SLC9A8: variants seen among roughly 807,000 people sequenced by gnomAD.
The protein encoded by SLC9A8 is solute carrier family 9 member A8, also known as sodium/hydrogen exchanger 8.
In SLC9A8, 48 loss-of-function variants were observed where a neutral mutation model predicts 66.6. The ratio of observed to expected loss-of-function variants is 0.72; its 90% CI spans 0.57 to 0.92. SLC9A8 has a LOEUF of 0.92. SLC9A8 is among the 40% of genes least tolerant of loss of function. SLC9A8 has a pLI of 0.00. For synonymous variants in SLC9A8, 274 were observed against 282.6 expected (o/e 0.97, Z 0.31); for missense variants, 599 against 747.3 (o/e 0.80, Z 2.31).
chr20:49,847,382 CTTTTT>C (rs11334417), intron 5 of SLC9A8, among the ~76,000 whole-genome samples: 3 of 113,916 alleles, frequency 2.6e-5, no homozygotes, highest in South Asian at 5.9e-4. Flanking sequence ...TTTTTCTTTT[CTTTTT>C]TTTTTTTTTT....
chr20:49,842,347 C>T (rs11699561), intron 4 of SLC9A8, among the ~76,000 whole-genome samples: 42,591 of 152,058 alleles, frequency 0.28, 6,330 homozygotes, highest in Non-Finnish European at 0.34. Flanking sequence ...GGATTACAGG[C>T]ATGAGCCACC....
chr20:49,845,812 C>T (rs1250479024), intron 5 of SLC9A8, among the ~76,000 whole-genome samples: 10 of 152,112 alleles, frequency 6.6e-5, no homozygotes, highest in African/African-American at 2.4e-4. Context: ...TGCCTTGCAA[C>T]TCCCAGTGTG....
intron 11 of SLC9A8, among the ~76,000 whole-genome samples, chr20:49,877,064 C>T (rs972877371): frequency 4.7e-5 from 7 of 148,048 alleles, no homozygotes; most frequent in Admixed American, 3.4e-4. Context: ...CCAAGGTGTG[C>T]GGATCACAAG....
chr20:49,829,580 A>G lies in SLC9A8; in HGVS notation c.289+6439A>G, dbSNP rs534623982. 1.7e-5 allele frequency: 6 copies of G among 348,934 alleles called. No individual in the cohort carries two copies. The East Asian group carries it at 4.5e-4, about 26-fold the overall frequency. The allele number at this position is 348,934 out of a possible 1,614,324, so 21.6% of individuals were successfully genotyped here. On this transcript the variant is annotated intron_variant, in intron 3 of 15. Coordinates refer to ENST00000361573, the MANE Select transcript of SLC9A8 (RefSeq NM_015266.3). ...CTTCTTTGTGAAATTTTTTTGGAAC[A>G]TAAGATCATGCCTGGATTAAAGTGA...
At chr20:49,815,253 T>C in intron 2 of SLC9A8, 64 bp downstream of exon 2, 1 of 1,362,112 alleles carries the variant, frequency 7.3e-7, no homozygotes, top group South Asian at 1.6e-5. Context: ...GGTCTGTGTG[T>C]TTAACCCTGT....
chr20:49,884,199 G>GCC (rs2089737319), intron 14 of SLC9A8, 133 bp downstream of exon 14: 1 of 280,270 alleles, frequency 3.6e-6, no homozygotes, highest in African/African-American at 6.1e-5. Context: ...CCACACACAC[G>GCC]ACACACACAC....
chr20:49,886,778 GT>G lies in SLC9A8; in HGVS notation c.1519del (p.Ser507ArgfsTer29), dbSNP rs1373264904. ...MGNTVESEHL[S>X]ELTEEEYEAH... ...GCAACACTGTGGAGTCGGAGCACCT[GT>G]CGGAGCTCACGGAGGAGGAGTACGA... On this transcript the variant is annotated frameshift_variant, in exon 15 of 16. Transcript: ENST00000361573. LOFTEE classifies it high-confidence loss of function. The surrounding 1 kb of genome is among the most constrained non-coding windows in gnomAD (Gnocchi z 4.8). The G allele has an allele frequency of 1.9e-6, 3 of 1,614,006 alleles. No individual in the cohort carries two copies. Among genetic ancestry groups the G allele is most frequent in the Non-Finnish European group, 2.5e-6 (3 of 1,180,008 alleles).
chr20:49,860,592 G>A (rs996203727), intron 8 of SLC9A8, among the ~76,000 whole-genome samples: 27 of 151,964 alleles, frequency 1.8e-4, no homozygotes, highest in Non-Finnish European at 3.4e-4. Flanking sequence ...ACGGTGGTGC[G>A]CATCTGTAGT....
At chr20:49,830,358 C>T (rs55825017) in intron 3 of SLC9A8, 211,804 of 877,142 alleles carry the variant, frequency 0.24, 27,720 homozygotes, top group Middle Eastern at 0.29. Flanking sequence ...GGAGGGGGCC[C>T]GCCTGGGAAG....
chr20:49,832,367 T>G (rs2087241221), intron 3 of SLC9A8, among the ~76,000 whole-genome samples: 1 of 152,166 alleles, frequency 6.6e-6, no homozygotes, highest in African/African-American at 2.4e-5. Context: ...CTGAACTGAC[T>G]GACCCTCTGG....
intron 3 of SLC9A8, among the ~76,000 whole-genome samples, chr20:49,834,390 ATATATATATACTGTG>A (rs1568813652): frequency 2.6e-4 from 19 of 71,744 alleles, no homozygotes; most frequent in African/African-American, 1.3e-3. Context: ...TATACTGTGT[ATATATATATACTGTG>A]TATATATATA....
chr20:49,884,828 C>T (rs2089831423), intron 14 of SLC9A8, among the ~76,000 whole-genome samples: 1 of 152,214 alleles, frequency 6.6e-6, no homozygotes, highest in Admixed American at 6.5e-5. Context: ...CTGTCTTCAC[C>T]CTCAGGACCC....
intron 3 of SLC9A8, among the ~76,000 whole-genome samples, chr20:49,828,190 C>G (rs2086998449): frequency 6.7e-6 from 1 of 150,330 alleles, no homozygotes; most frequent in Non-Finnish European, 1.5e-5. Flanking sequence ...AAGTGATTCT[C>G]CTGCCTCAGC....
In SLC9A8 at chr20:49,881,355, G is replaced by C. The variant is rs534970517; in HGVS notation, c.1270+320G>C. Among the ~76,000 whole-genome samples the C allele has an allele frequency of 1.0e-3, 156 of 152,292 alleles. 1 individual carries two copies. The highest frequency in any genetic ancestry group is 2.2e-4 in the Non-Finnish European group (15 of 68,020). ...GGGCGTGCTTCAGCGCCTCCCTGGG[G>C]GTCTTCTAGGCTGAAGTAATAATGG... is the stretch of plus-strand genomic sequence containing the variant. On this transcript the variant is annotated intron_variant, in intron 13 of 15. Transcript: ENST00000361573.
At chr20:49,830,069 G>T in intron 3 of SLC9A8, 1 of 720,632 alleles carries the variant, frequency 1.4e-6, no homozygotes, top group Non-Finnish European at 2.6e-6. Flanking sequence ...TGTTAAAGAT[G>T]CAGATCCTCA....
chr20:49,869,534 T>C (rs1600774222), intron 10 of SLC9A8, among the ~76,000 whole-genome samples: 1 of 149,098 alleles, frequency 6.7e-6, no homozygotes. Flanking sequence ...CATAACACTT[T>C]CTTAAGATGT....
At position 49,886,759 on chromosome 20, in the gene SLC9A8, CTG is replaced by C. The variant is rs1167429953; in HGVS notation, c.1502_1503del (p.Val501GlyfsTer24). On this transcript the variant is annotated frameshift_variant, in exon 15 of 16. Transcript: ENST00000361573. LOFTEE classifies it high-confidence loss of function. This position sits in a 1 kb window ranked among gnomAD's most constrained non-coding sequence, Gnocchi z 4.8. ...CCTTTCCTCCCTGCTCAGGGCAACA[CTG>C]TGGAGTCGGAGCACCTGTCGGAGCT... 7 of 1,613,844 alleles carry C rather than the reference CTG, an allele frequency of 4.3e-6. No individual in the cohort carries two copies. Among genetic ancestry groups the C allele is most frequent in the Non-Finnish European group, 5.1e-6 (6 of 1,179,908 alleles).
intron 3 of SLC9A8, among the ~76,000 whole-genome samples, chr20:49,836,807 G>A (rs1186347213): frequency 6.6e-6 from 1 of 152,164 alleles, no homozygotes; most frequent in African/African-American, 2.4e-5. Flanking sequence ...AGCAATGAGT[G>A]CGTGTTCCAA....
chr20:49,830,604 C>T, intron 3 of SLC9A8: 1 of 613,408 alleles, frequency 1.6e-6, no homozygotes, highest in Non-Finnish European at 3.0e-6. Context: ...GAATCAGCAG[C>T]TTTCTAATCA....
Sources: gnomAD v4.1 joint callset for allele counts (sites outside exome capture counted in the v4.1 genomes callset) on GRCh38, gnomAD v4.1.1 for gene constraint, Gnocchi (gnomAD v3.1) non-coding constraint, MANE v1.5 for transcripts, NCBI Gene and HGNC (gene_info 2026-07-23, HGNC 2026-07-21) for gene names.